The following CUL3 variants were observed in gnomAD, a reference collection of about 807,000 sequenced individuals.
The protein encoded by CUL3 is cullin 3.
A neutral mutation model predicts 89.1 loss-of-function variants in CUL3; 19 were observed. The ratio of observed to expected loss-of-function variants is 0.21; its 90% CI spans 0.15 to 0.31. The LOEUF (loss-of-function observed/expected upper bound fraction) is 0.31, where lower values mean the gene tolerates loss of function less well. Ranked by LOEUF, CUL3 falls within the 10% of genes least tolerant of loss-of-function variation. The pLI is 1.00. For synonymous variants in CUL3, 351 were observed against 308.4 expected, an observed-to-expected ratio of 1.14 and a Z score of -1.45; for missense variants, 469 against 942.3, an observed-to-expected ratio of 0.50 and a Z score of 6.58.
At chr2:224,491,883 A>C (rs1308691513) in intron 13 of CUL3, among the ~76,000 whole-genome samples, 1 of 152,154 alleles carries the variant, frequency 6.6e-6, no homozygotes, top group Non-Finnish European at 1.5e-5. Flanking sequence ...CAATTATTAC[A>C]ATATCTTAAT....
At chr2:224,482,158 G>A in intron 13 of CUL3, 80 bp from the exon 14 acceptor site, 1 of 1,098,986 alleles carries the variant, frequency 9.1e-7, no homozygotes, top group South Asian at 1.6e-5. Flanking sequence ...TGACCAAGCA[G>A]TAGTTAAAAA....
intron 2 of CUL3, among the ~76,000 whole-genome samples, chr2:224,542,578 C>T (rs1052723097): frequency 2.1e-4 from 32 of 151,786 alleles, no homozygotes; most frequent in African/African-American, 6.1e-4. Context: ...TGTGCGCGCG[C>T]GCATGCGTGT....
chr2:224,569,712 C>A (rs754031990), intron 1 of CUL3: 1 of 1,214,500 alleles, frequency 8.2e-7, no homozygotes, highest in South Asian at 1.4e-5. Flanking sequence ...TCTGTGATTA[C>A]TGAGAGAACT....
intron 3 of CUL3, among the ~76,000 whole-genome samples, chr2:224,534,136 GGAGT>G (rs1437478311): frequency 2.0e-5 from 3 of 152,118 alleles, no homozygotes; most frequent in Non-Finnish European, 4.4e-5. Context: ...TATTAATTTT[GGAGT>G]GATACAGTAA....
chr2:224,483,333 TAA>T (rs1199500253), intron 13 of CUL3, among the ~76,000 whole-genome samples: 6 of 152,182 alleles, frequency 3.9e-5, no homozygotes, highest in Admixed American at 2.0e-4. Context: ...AAGTATTTTA[TAA>T]AAGTCAGTCC....
chr2:224,480,867 T>C (rs1165227423), intron 14 of CUL3, among the ~76,000 whole-genome samples: 1 of 152,170 alleles, frequency 6.6e-6, no homozygotes, highest in Admixed American at 6.6e-5. Flanking sequence ...AATATATATT[T>C]ATGTCAAGAC....
chr2:224,581,896 T>C (rs535247228), intron 1 of CUL3, among the ~76,000 whole-genome samples: 10 of 152,214 alleles, frequency 6.6e-5, no homozygotes, highest in African/African-American at 2.4e-4. Context: ...AGATGTAAAA[T>C]ACAATAATTT....
rs773822136 is a variant in CUL3 at position 224,506,184 on chromosome 2, T to C, written c.1030-52A>G. The C allele has an allele frequency of 9.0e-6, 11 of 1,225,400 alleles. No individual in the cohort carries two copies. In the South Asian group the frequency reaches 2.0e-4, roughly 22 times the overall value. 75.9% of individuals were successfully genotyped at this position (1,225,400 alleles called of 1,614,324 possible). On this transcript the variant is annotated intron_variant, in intron 7 of 15. Coordinates refer to ENST00000264414, the MANE Select transcript of CUL3 (RefSeq NM_003590.5). ...CACATTATAATAATTTTTCCATAAA[T>C]AATACACTTATGACCATGTATGTTT...
At chr2:224,493,535 T>C (rs188558706) in intron 13 of CUL3, among the ~76,000 whole-genome samples, 133 of 152,338 alleles carry the variant, frequency 8.7e-4, no homozygotes, top group African/African-American at 3.1e-3. Flanking sequence ...GTTGGAAAAC[T>C]TACAGATATT....
chr2:224,482,721 G>A (rs1268826163), intron 13 of CUL3, among the ~76,000 whole-genome samples: 1 of 152,160 alleles, frequency 6.6e-6, no homozygotes, highest in Admixed American at 6.5e-5. Context: ...TACTAGGGGA[G>A]AAAAAGCAGC....
rs187193598 is a variant in CUL3, at chr2:224,470,272, A to T, written c.*3973T>A. ...TTGACAATTTCATTGTTACTAAAAA[A>T]TACACGTTTACTTTGAGCTGCTCAT... On this transcript the variant is annotated 3_prime_UTR_variant, in exon 16 of 16. Transcript: ENST00000264414. The T allele has an allele frequency of 2.5e-4, 55 of 222,508 alleles. No individual in the cohort carries two copies. The highest frequency in any genetic ancestry group is 1.1e-3 in the African/African-American group (48 of 44,818). 13.8% of individuals were successfully genotyped at this position (222,508 alleles called of 1,614,324 possible).
intron 1 of CUL3, among the ~76,000 whole-genome samples, chr2:224,573,154 T>C (rs1027141487): frequency 1.3e-5 from 2 of 152,226 alleles, no homozygotes; most frequent in Admixed American, 1.3e-4. Context: ...GTATTTCTAA[T>C]ACATTTTACT....
intron 1 of CUL3, among the ~76,000 whole-genome samples, chr2:224,581,784 T>A (rs1695444118): frequency 6.6e-6 from 1 of 151,818 alleles, no homozygotes; most frequent in Non-Finnish European, 1.5e-5. Flanking sequence ...GTGCTAGGAT[T>A]ACAGGTGTGA....
chr2:224,571,014 A>C (rs374887309), intron 1 of CUL3, among the ~76,000 whole-genome samples: 4 of 152,220 alleles, frequency 2.6e-5, no homozygotes, highest in South Asian at 2.1e-4. Flanking sequence ...TATATAGAAA[A>C]AAAGGTATGT....
At chr2:224,575,339 C>G (rs753140905) in intron 1 of CUL3, among the ~76,000 whole-genome samples, 1 of 152,172 alleles carries the variant, frequency 6.6e-6, no homozygotes, top group Admixed American at 6.5e-5. Flanking sequence ...TTAGAGACCA[C>G]TGTCTTGCAA....
chr2:224,514,138 G>A (rs1021827078), intron 4 of CUL3, among the ~76,000 whole-genome samples: 2 of 152,136 alleles, frequency 1.3e-5, no homozygotes, highest in African/African-American at 4.8e-5. Context: ...AGCCACTTTA[G>A]CTGCAGCATC....
At chr2:224,580,880 GATT>G (rs1162751433) in intron 1 of CUL3, among the ~76,000 whole-genome samples, 21 of 118,084 alleles carry the variant, frequency 1.8e-4, no homozygotes, top group East Asian at 2.4e-4. Flanking sequence ...GAGTGCTTGA[GATT>G]TTTTTTTTTT....
At position 224,530,658 on chromosome 2, in the gene CUL3, A is replaced by G. The variant is rs191689001; in HGVS notation, c.378+4870T>C. Among the ~76,000 whole-genome samples the G allele has an allele frequency of 4.1e-3, 626 of 152,284 alleles. 2 individuals carry two copies. Among genetic ancestry groups the G allele is most frequent in the Middle Eastern group, 0.01 (3 of 294 alleles). Reference sequence around the variant, plus strand: ...ACAGTGGCTCATGCCTGTAAGCCCAACACTTTGGGAGGCTGAGGCGGGTAG... The same window carrying G: ...ACAGTGGCTCATGCCTGTAAGCCCAGCACTTTGGGAGGCTGAGGCGGGTAG... On this transcript the variant is annotated intron_variant, in intron 3 of 15. Transcript: ENST00000264414.
chr2:224,584,275 T>A (rs1036978786), intron 1 of CUL3, among the ~76,000 whole-genome samples: 6 of 138,898 alleles, frequency 4.3e-5, no homozygotes, highest in Non-Finnish European at 9.9e-5. Context: ...TTGCTCTCTG[T>A]TGCTTCCCCC....
Sources: gnomAD v4.1 joint callset for allele counts (sites outside exome capture counted in the v4.1 genomes callset) on GRCh38, gnomAD v4.1.1 for gene constraint, MANE v1.5 for transcripts, NCBI Gene and HGNC (gene_info 2026-07-23, HGNC 2026-07-21) for gene names.